The following IKZF4 variants were observed in gnomAD, a reference collection of about 807,000 sequenced individuals.
IKZF4 encodes the protein zinc finger protein Eos.
A neutral mutation model predicts 47.7 loss-of-function variants in IKZF4; 11 were observed. The observed-to-expected ratio is 0.23, with a 90% CI of 0.15 to 0.38. The LOEUF (loss-of-function observed/expected upper bound fraction) is 0.38. IKZF4 is among the 10% of genes least tolerant of loss of function. The probability of loss-of-function intolerance (pLI) is 1.00; values close to 1 mark genes in which losing one functional copy is unlikely to be tolerated. For synonymous variants in IKZF4, 298 were observed against 299.4 expected, an observed-to-expected ratio of 1.00 and a Z score of 0.05; for missense variants, 557 against 784.9, an observed-to-expected ratio of 0.71 and a Z score of 3.47.
At chr12:56,026,654 A>G (rs1894056480) in intron 3 of IKZF4, 127 bp from the exon 4 acceptor site, 1 of 1,030,606 alleles carries the variant, frequency 9.7e-7, no homozygotes, top group South Asian at 2.1e-5. Flanking sequence ...GTGCCACTGC[A>G]CTCCAGCCTG....
intron 5 of IKZF4, among the ~76,000 whole-genome samples, chr12:56,030,262 A>C (rs1247149860): frequency 2.7e-5 from 4 of 149,188 alleles, no homozygotes; most frequent in Non-Finnish European, 6.0e-5. Flanking sequence ...CTACAAAAAC[A>C]AAAACAAAAA....
At chr12:56,012,235 T>G (rs1421238254) in intron 2 of IKZF4, among the ~76,000 whole-genome samples, 1 of 152,132 alleles carries the variant, frequency 6.6e-6, no homozygotes, top group African/African-American at 2.4e-5. Flanking sequence ...CTCATGACCT[T>G]TTACCCCCTA....
In IKZF4 at chr12:56,037,152, C is replaced by T. The variant is rs1227356586; in HGVS notation, c.*1821C>T. 1 of 152,316 alleles carries T rather than the reference C, an allele frequency of 6.6e-6. No homozygotes were observed. Among genetic ancestry groups the T allele is most frequent in the African/African-American group, 2.4e-5 (1 of 41,438 alleles). 9.4% of individuals were successfully genotyped at this position (152,316 alleles called of 1,614,324 possible). On this transcript the variant is annotated 3_prime_UTR_variant, in exon 8 of 8. Coordinates refer to ENST00000547167, the MANE Select transcript of IKZF4 (RefSeq NM_022465.4). ...CTTAAGGGCTCTGAGAGGAGTCTAC[C>T]TTGCCTTCTTATGGGAAGGGAGACC... is the stretch of plus-strand genomic sequence containing the variant.
At position 56,025,055 on chromosome 12, in the gene IKZF4, T is replaced by C. The variant is rs750071784; in HGVS notation, c.183T>C (p.Ser61=). ...TGCCCTCTTGTTCTCTCCTCCAAGG[T>C]AGCGGGGACTCATCTCTGGAGAAGG... ...HFIMESLFCE[S]SGDSSLEKEF... The change falls in exon 3 of 8, where the codon AGT becomes AGC. Residue 61 remains serine (S), a splice_region_variant and synonymous_variant. Coordinates refer to ENST00000547167, the MANE Select transcript of IKZF4 (RefSeq NM_022465.4). The C allele has an allele frequency of 3.2e-6, 5 of 1,580,148 alleles. No homozygotes were observed. Among genetic ancestry groups the C allele is most frequent in the Non-Finnish European group, 3.4e-6 (4 of 1,162,896 alleles).
At chr12:56,021,890 A>G in intron 1 of IKZF4, 3 of 430,880 alleles carry the variant, frequency 7.0e-6, no homozygotes, top group Non-Finnish European at 8.5e-6. Context: ...AAATGCCGAG[A>G]CAGGCCTGGG....
At position 56,037,720 on chromosome 12, in the gene IKZF4, C is replaced by G. The variant is rs1895737571; in HGVS notation, c.*2389C>G. 1 of 152,578 alleles carries G rather than the reference C, an allele frequency of 6.6e-6. No homozygotes were observed. The highest frequency in any genetic ancestry group is 1.5e-5 in the Non-Finnish European group (1 of 68,066). 9.5% of individuals were successfully genotyped at this position (152,578 alleles called of 1,614,324 possible). On this transcript the variant is annotated 3_prime_UTR_variant, in exon 8 of 8. Coordinates refer to ENST00000547167, the MANE Select transcript of IKZF4 (RefSeq NM_022465.4). The stretch of plus-strand genomic sequence containing the variant: ...GGAGGGGAGAGGGGGCATCCTGTCT[C>G]TCTCCAGACCATCACTGCACTTTAA...
In IKZF4 at chr12:56,026,923, G is replaced by T; in HGVS notation, c.429G>T (p.Gly143=). Residue 143 remains glycine (G), a synonymous_variant, in exon 4 of 8, where the codon GGG becomes GGT. Coordinates refer to ENST00000547167, the MANE Select transcript of IKZF4 (RefSeq NM_022465.4). ...SEPLGYCDGS[G]PEPHSPGGIR... ...CCCTGGGCTACTGTGATGGGAGTGGGCCAGAGCCTCACTCCCCTGGGGGCA... is the reference window on the plus strand; with the variant it reads ...CCCTGGGCTACTGTGATGGGAGTGGTCCAGAGCCTCACTCCCCTGGGGGCA... 6.2e-7 allele frequency: 1 copy of T among 1,612,920 alleles called. No individual in the cohort carries two copies. Among genetic ancestry groups the T allele is most frequent in the Non-Finnish European group, 8.5e-7 (1 of 1,179,436 alleles).
At chr12:56,013,692 G>C (rs546912624) in intron 2 of IKZF4, among the ~76,000 whole-genome samples, 7 of 152,314 alleles carry the variant, frequency 4.6e-5, no homozygotes, top group Non-Finnish European at 8.8e-5. Flanking sequence ...GGTGCTTTAA[G>C]GGGTAGAGAG....
intron 1 of IKZF4, 136 bp from the exon 2 acceptor site, chr12:56,023,535 G>T (rs1893430077): frequency 4.6e-6 from 5 of 1,081,180 alleles, no homozygotes; most frequent in African/African-American, 3.2e-5. Context: ...AAGCCATAAG[G>T]CTTTTTCTAT....
chr12:56,033,061 C>A, intron 6 of IKZF4, 129 bp from the exon 7 acceptor site: 1 of 1,081,640 alleles, frequency 9.2e-7, no homozygotes. Context: ...GTAAACAGAG[C>A]CCAGTTTCCC....
chr12:56,036,900 T>C lies in IKZF4; in HGVS notation c.*1569T>C, dbSNP rs1295675383. On this transcript the variant is annotated 3_prime_UTR_variant, in exon 8 of 8. Coordinates refer to ENST00000547167, the MANE Select transcript of IKZF4 (RefSeq NM_022465.4). ...ATTCAAACCAAAGGCTGTTTTTCTA[T>C]GTTTAAAGAAAAAAAAAAGTAAAAA... 6.6e-6 allele frequency: 1 copy of C among 152,154 alleles called. No homozygotes were observed. The highest frequency in any genetic ancestry group is 1.5e-5 in the Non-Finnish European group (1 of 67,970). 9.4% of individuals were successfully genotyped at this position (152,154 alleles called of 1,614,324 possible).
chr12:56,021,353 C>T lies in IKZF4; in HGVS notation c.-141C>T. ...TACACCCTGGGCTGAGCTGCTCTTG[C>T]TGGCTGCAGCCGTGGGCCTCTGCTC... On this transcript the variant is annotated 5_prime_UTR_variant, in exon 1 of 8. Coordinates refer to ENST00000547167, the MANE Select transcript of IKZF4 (RefSeq NM_022465.4). 1 of 1,543,710 alleles carries T rather than the reference C, an allele frequency of 6.5e-7. No individual in the cohort carries two copies. The highest frequency in any genetic ancestry group is 8.7e-7 in the Non-Finnish European group (1 of 1,146,660).
At chr12:56,023,282 A>C (rs1893381034) in intron 1 of IKZF4, among the ~76,000 whole-genome samples, 1 of 152,238 alleles carries the variant, frequency 6.6e-6, no homozygotes, top group Non-Finnish European at 1.5e-5. Context: ...AGTAACATCA[A>C]GTGATTTAGG....
chr12:56,013,872 C>T (rs1592869764), intron 2 of IKZF4, among the ~76,000 whole-genome samples: 1 of 152,100 alleles, frequency 6.6e-6, no homozygotes, highest in Non-Finnish European at 1.5e-5. Flanking sequence ...GCTGGAGAGC[C>T]GGGAGCAGTG....
At chr12:56,026,477 G>GT (rs1297051454) in intron 3 of IKZF4, among the ~76,000 whole-genome samples, 2 of 151,786 alleles carry the variant, frequency 1.3e-5, no homozygotes, top group African/African-American at 4.8e-5. Context: ...ATCACCTGAG[G>GT]TTGGAAGTTC....
chr12:56,036,099 G>C lies in IKZF4; in HGVS notation c.*768G>C, dbSNP rs1361338821. 1 of 152,474 alleles carries C rather than the reference G, an allele frequency of 6.6e-6. No homozygotes were observed. The highest frequency in any genetic ancestry group is 6.6e-5 in the Admixed American group (1 of 15,248). 9.4% of individuals were successfully genotyped at this position (152,474 alleles called of 1,614,324 possible). ...TCTCCCTCTAGGATGTGATAGATCT[G>C]GTCCCTCTCCTTGAACTACCCCTCC... On this transcript the variant is annotated 3_prime_UTR_variant, in exon 8 of 8. Transcript: ENST00000547167.
upstream of IKZF4, among the ~76,000 whole-genome samples, chr12:56,019,772 T>C (rs1892604761): frequency 2.0e-5 from 3 of 152,208 alleles, no homozygotes; most frequent in Admixed American, 2.0e-4. Context: ...ATGGAGAATA[T>C]TGGATACTCA....
In IKZF4 at chr12:56,034,710, G is replaced by T; in HGVS notation, c.1137G>T (p.Glu379Asp). 6.2e-7 allele frequency: 1 copy of T among 1,614,048 alleles called. No homozygotes were observed. Among genetic ancestry groups the T allele is most frequent in the Non-Finnish European group, 8.5e-7 (1 of 1,179,888 alleles). ...FGSSLAFVGA[E>D]HLRPLRLPPT... ...GTTCCCTGGCCTTTGTGGGTGCAGAGCATCTGCGTCCCCTCCGCCTTCCAC... is the reference window on the plus strand; with the variant it reads ...GTTCCCTGGCCTTTGTGGGTGCAGATCATCTGCGTCCCCTCCGCCTTCCAC... Residue 379 changes from glutamate (E) to aspartate (D), a missense_variant, in exon 8 of 8, where the codon GAG (glutamate) becomes GAT (aspartate). Glu to Asp is a conservative substitution (Grantham distance 45, BLOSUM62 2). Transcript: ENST00000547167.
At chr12:56,034,093 G>A (rs1356485331) in intron 7 of IKZF4, among the ~76,000 whole-genome samples, 1 of 152,038 alleles carries the variant, frequency 6.6e-6, no homozygotes, top group African/African-American at 2.4e-5. Flanking sequence ...AGTAGAGACG[G>A]GGTTTCACCG....
Sources: gnomAD v4.1 joint callset for allele counts (sites outside exome capture counted in the v4.1 genomes callset) on GRCh38, gnomAD v4.1.1 for gene constraint, MANE v1.5 for transcripts, NCBI Gene and HGNC (gene_info 2026-07-23, HGNC 2026-07-21) for gene names.